DNAH11: variants seen among roughly 807,000 people sequenced by gnomAD.
DNAH11 encodes the protein axonemal beta dynein heavy chain 11.
A neutral mutation model predicts 526.0 loss-of-function variants in DNAH11; 442 were observed. The observed-to-expected ratio is 0.84, with a 90% CI of 0.78 to 0.91. The LOEUF is 0.91. Ranked by LOEUF, DNAH11 falls within the 40% of genes least tolerant of loss-of-function variation. The pLI is 0.00. For missense variants in DNAH11, 6,989 were observed against 5,448.7 expected (o/e 1.28, Z -8.90); for synonymous variants, 2,461 against 1,935.9 (o/e 1.27, Z -7.12).
intron 37 of DNAH11, 38 bp downstream of exon 37, chr7:21,702,840 C>T (rs1784121336): frequency 1.3e-6 from 2 of 1,558,560 alleles, no homozygotes; most frequent in Non-Finnish European, 1.8e-6. Flanking sequence ...GAGTGAGTAG[C>T]TGGCCTGCTT....
chr7:21,712,305 A>G (rs1225961250), intron 42 of DNAH11, among the ~76,000 whole-genome samples: 2 of 152,084 alleles, frequency 1.3e-5, no homozygotes, highest in Non-Finnish European at 2.9e-5. Context: ...GGTTTCTTCT[A>G]CCTTTTGGCT....
At chr7:21,892,396 A>T in intron 76 of DNAH11, 29 bp from the exon 77 acceptor site, 1 of 1,587,140 alleles carries the variant, frequency 6.3e-7, no homozygotes, top group Non-Finnish European at 8.6e-7. Context: ...CTACATTTGG[A>T]ATAACTGACT....
intron 36 of DNAH11, among the ~76,000 whole-genome samples, chr7:21,699,014 A>G (rs562979058): frequency 4.6e-5 from 7 of 152,078 alleles, no homozygotes; most frequent in Non-Finnish European, 1.0e-4. Flanking sequence ...ATACTTTTTT[A>G]AATCAACGAG....
chr7:21,802,092 A>G (rs1221533709), intron 62 of DNAH11, among the ~76,000 whole-genome samples: 1 of 152,228 alleles, frequency 6.6e-6, no homozygotes, highest in East Asian at 1.9e-4. Flanking sequence ...GGTTGTGATG[A>G]TTCTCAAAAG....
chr7:21,555,394 C>A (rs1302085634), intron 2 of DNAH11, among the ~76,000 whole-genome samples: 3 of 152,184 alleles, frequency 2.0e-5, no homozygotes, highest in African/African-American at 7.2e-5. Context: ...TCCCTCTTTC[C>A]TTTGGCCCAT....
chr7:21,633,715 A>G (rs1337902568), intron 25 of DNAH11, among the ~76,000 whole-genome samples: 1 of 152,200 alleles, frequency 6.6e-6, no homozygotes, highest in African/African-American at 2.4e-5. Context: ...AAGGAGTCTA[A>G]GAAGAGACAG....
chr7:21,876,596 T>C (rs1783721742), intron 74 of DNAH11, among the ~76,000 whole-genome samples: 1 of 152,252 alleles, frequency 6.6e-6, no homozygotes, highest in Non-Finnish European at 1.5e-5. Context: ...GTTTTACAGA[T>C]AGTCCATTCA....
intron 44 of DNAH11, among the ~76,000 whole-genome samples, chr7:21,721,862 C>T (rs1354874941): frequency 1.3e-5 from 2 of 152,204 alleles, no homozygotes; most frequent in Non-Finnish European, 2.9e-5. Context: ...TAACCAGTCT[C>T]ACACACTATT....
At chr7:21,867,172 G>T (rs984398394) in intron 71 of DNAH11, among the ~76,000 whole-genome samples, 1 of 152,116 alleles carries the variant, frequency 6.6e-6, no homozygotes, top group Non-Finnish European at 1.5e-5. Flanking sequence ...TGCCCTCTTG[G>T]CTTCTAAATG....
At chr7:21,647,427 C>CTTTTTTTTTT (rs71026810) in intron 28 of DNAH11, among the ~76,000 whole-genome samples, 43 of 121,184 alleles carry the variant, frequency 3.5e-4, no homozygotes, top group Non-Finnish European at 5.4e-4. Context: ...TTCTTTCTTT[C>CTTTTTTTTTT]TTTTTTTTTT....
chr7:21,821,067 C>T (rs1790030846), intron 65 of DNAH11, among the ~76,000 whole-genome samples: 1 of 151,976 alleles, frequency 6.6e-6, no homozygotes, highest in Non-Finnish European at 1.5e-5. Context: ...GAGTTAATAC[C>T]ACCAGTTTAT....
At chr7:21,543,865 A>G (rs1055754198) in intron 1 of DNAH11, 1 of 498,486 alleles carries the variant, frequency 2.0e-6, no homozygotes, top group Admixed American at 3.9e-5. Flanking sequence ...ACCCAAGAAC[A>G]CCAGCGCTTT....
intron 54 of DNAH11, among the ~76,000 whole-genome samples, chr7:21,753,624 T>C (rs553698763): frequency 1.3e-5 from 2 of 152,370 alleles, no homozygotes; most frequent in Admixed American, 6.5e-5. Context: ...CTTTAGTGTA[T>C]GTCCAATAGC....
At chr7:21,843,970 T>C (rs961274360) in intron 66 of DNAH11, among the ~76,000 whole-genome samples, 1 of 152,224 alleles carries the variant, frequency 6.6e-6, no homozygotes, top group African/African-American at 2.4e-5. Context: ...TTTTGGAACT[T>C]GAAAGGATTT....
intron 46 of DNAH11, among the ~76,000 whole-genome samples, chr7:21,738,089 G>C (rs564590390): frequency 6.6e-6 from 1 of 152,092 alleles, no homozygotes; most frequent in South Asian, 2.1e-4. Context: ...CAAGTAATCA[G>C]ATACTACATC....
intron 67 of DNAH11, among the ~76,000 whole-genome samples, chr7:21,853,765 C>T (rs1350660440): frequency 2.0e-5 from 3 of 152,122 alleles, no homozygotes; most frequent in Non-Finnish European, 4.4e-5. Context: ...GAGGCTAATA[C>T]ATAAAGATAA....
rs771704384 is a variant in DNAH11, at chr7:21,765,608, C to T, written c.9102+19C>T. 3.1e-5 allele frequency: 21 copies of T among 687,010 alleles called. No homozygotes were observed. Among genetic ancestry groups the T allele is most frequent in the African/African-American group, 1.4e-4 (7 of 49,400 alleles). The allele number at this position is 687,010 out of a possible 1,614,324, so 42.6% of individuals were successfully genotyped here. ...AATTGAGGTATGCCGTGTCAGCCTGCGTCACACACACACACACACACACAC... is the reference window on the plus strand; with the variant it reads ...AATTGAGGTATGCCGTGTCAGCCTGTGTCACACACACACACACACACACAC... On this transcript the variant is annotated intron_variant, in intron 55 of 81. Coordinates refer to ENST00000409508, the MANE Select transcript of DNAH11 (RefSeq NM_001277115.2).
intron 25 of DNAH11, among the ~76,000 whole-genome samples, chr7:21,633,513 A>G (rs1786716679): frequency 6.6e-6 from 1 of 152,196 alleles, no homozygotes; most frequent in Admixed American, 6.5e-5. Context: ...TATACATTTT[A>G]AATCACATTT....
rs72658834 is a variant in DNAH11 at position 21,900,080 on chromosome 7, G to A, written c.13263G>A (p.Pro4421=). 3.5e-5 allele frequency: 56 copies of A among 1,613,842 alleles called. No homozygotes were observed. The highest frequency in any genetic ancestry group is 3.3e-4 in the Middle Eastern group (2 of 6,062). The stretch of plus-strand genomic sequence containing the variant: ...AAACAAAGGAAGATTATGGACACCC[G>A]CCAAGGGAAGGTGCATACCTCCACG... ...TKKTKEDYGH[P]PREGAYLHGL... The change falls in exon 81 of 82, where the codon CCG becomes CCA. Residue 4421 remains proline (P), a synonymous_variant. Coordinates refer to ENST00000409508, the MANE Select transcript of DNAH11 (RefSeq NM_001277115.2).
Sources: allele counts gnomAD v4.1 joint callset (sites outside exome capture counted in the v4.1 genomes callset), GRCh38; gene constraint gnomAD v4.1.1; transcripts MANE v1.5; gene names NCBI Gene and HGNC (gene_info 2026-07-23, HGNC 2026-07-21).